ZFR: variants seen among roughly 807,000 people sequenced by gnomAD.
ZFR encodes zinc finger RNA-binding protein.
In ZFR, 19 loss-of-function variants were observed where a neutral mutation model predicts 130.7. That is an observed-to-expected ratio of 0.15 (90% CI 0.10 to 0.21). ZFR has a LOEUF of 0.21. ZFR is among the 10% of genes least tolerant of loss of function. The probability of loss-of-function intolerance (pLI) is 1.00; values close to 1 mark genes in which losing one functional copy is unlikely to be tolerated. For missense variants in ZFR, 872 were observed against 1,321.5 expected, an observed-to-expected ratio of 0.66 and a Z score of 5.27; for synonymous variants, 466 against 456.9, an observed-to-expected ratio of 1.02 and a Z score of -0.25.
At chr5:32,434,003 A>G (rs113865277) in intron 2 of ZFR, among the ~76,000 whole-genome samples, 2,862 of 152,328 alleles carry the variant, frequency 0.019, 89 homozygotes, top group African/African-American at 0.066. Context: ...TGGGAGGCAG[A>G]GGTTTGCAGT....
At chr5:32,439,080 A>G (rs1754402874) in intron 2 of ZFR, among the ~76,000 whole-genome samples, 1 of 152,220 alleles carries the variant, frequency 6.6e-6, no homozygotes, top group Non-Finnish European at 1.5e-5. Flanking sequence ...GGCTCACCCT[A>G]CTCTATTAAG....
At chr5:32,391,211 C>G (rs927881461) in intron 11 of ZFR, among the ~76,000 whole-genome samples, 1 of 152,220 alleles carries the variant, frequency 6.6e-6, no homozygotes, top group Non-Finnish European at 1.5e-5. Context: ...ACAGTATACA[C>G]CCTACTAGCC....
intron 8 of ZFR, among the ~76,000 whole-genome samples, chr5:32,401,643 G>C (rs1038634151): frequency 6.6e-6 from 1 of 152,194 alleles, no homozygotes; most frequent in Non-Finnish European, 1.5e-5. Flanking sequence ...GTCAGGTAAT[G>C]ATGGGCCTTA....
At chr5:32,387,953 T>A (rs541157435) in intron 13 of ZFR, among the ~76,000 whole-genome samples, 2 of 152,188 alleles carry the variant, frequency 1.3e-5, no homozygotes, top group South Asian at 4.1e-4. Flanking sequence ...CTGTTTCTTA[T>A]TTCACAAGTC....
At chr5:32,422,142 C>T (rs1469088502) in intron 2 of ZFR, among the ~76,000 whole-genome samples, 1 of 151,662 alleles carries the variant, frequency 6.6e-6, no homozygotes, top group Non-Finnish European at 1.5e-5. Context: ...AAAACATGTC[C>T]TATTAGACAA....
At chr5:32,359,735 G>C (rs1188952896) in intron 19 of ZFR, among the ~76,000 whole-genome samples, 1 of 152,202 alleles carries the variant, frequency 6.6e-6, no homozygotes, top group African/African-American at 2.4e-5. Context: ...TGGACCACGA[G>C]GTCAGGAGTT....
chr5:32,370,541 T>G (rs1488432896), intron 17 of ZFR, among the ~76,000 whole-genome samples: 1 of 152,104 alleles, frequency 6.6e-6, no homozygotes, highest in East Asian at 1.9e-4. Context: ...TCCAGCTAAT[T>G]TTTAAGTTTG....
At chr5:32,380,824 A>G (rs1335851761) in intron 15 of ZFR, among the ~76,000 whole-genome samples, 1 of 151,424 alleles carries the variant, frequency 6.6e-6, no homozygotes, top group African/African-American at 2.4e-5. Flanking sequence ...AATTTTTTGT[A>G]TTTTTAGTAG....
intron 2 of ZFR, 53 bp downstream of exon 2, chr5:32,444,176 C>G: frequency 6.4e-7 from 1 of 1,567,392 alleles, no homozygotes. Context: ...TCGACAGGAT[C>G]CGGACCGAGG....
chr5:32,404,184 C>T (rs770204295), intron 6 of ZFR, 87 bp from the exon 7 acceptor site: 19 of 1,252,774 alleles, frequency 1.5e-5, no homozygotes, highest in Non-Finnish European at 2.1e-5. Context: ...CTCTAATACT[C>T]ATCTAAAAAT....
At chr5:32,372,536 C>T (rs1222702915) in intron 17 of ZFR, among the ~76,000 whole-genome samples, 1 of 151,924 alleles carries the variant, frequency 6.6e-6, no homozygotes, top group East Asian at 1.9e-4. Flanking sequence ...TTAGCCTATT[C>T]AATAAGAAGC....
intron 19 of ZFR, among the ~76,000 whole-genome samples, chr5:32,357,189 T>C (rs1752334397): frequency 6.6e-6 from 1 of 152,168 alleles, no homozygotes; most frequent in South Asian, 2.1e-4. Flanking sequence ...TTTCGCCATG[T>C]TGCCCAGGCT....
At chr5:32,376,407 G>A (rs766915649) in intron 17 of ZFR, among the ~76,000 whole-genome samples, 12 of 152,026 alleles carry the variant, frequency 7.9e-5, no homozygotes, top group Non-Finnish European at 1.5e-4. Context: ...AGCATTTTGG[G>A]AGGCCAAGGC....
chr5:32,400,203 C>T lies in ZFR; in HGVS notation c.1517G>A (p.Gly506Asp). The T allele has an allele frequency of 6.4e-7, 1 of 1,570,962 alleles. No individual in the cohort carries two copies. Among genetic ancestry groups the T allele is most frequent in the Non-Finnish European group, 8.6e-7 (1 of 1,162,762 alleles). ...KTSTPKINFVGGNKLQSTGNK... is the reference protein window; with the variant it reads ...KTSTPKINFVDGNKLQSTGNK... ...TCCTGTTGACTGCAGCTTATTACCA[C>T]CTAGAAAAGTATCAAAAAGTTAAAA... is the stretch of plus-strand genomic sequence containing the variant. The change falls in exon 9 of 20, where the codon GGT (glycine) becomes GAT (aspartate). Residue 506 changes from glycine to aspartate, a missense_variant and splice_region_variant. By Grantham distance (94) the Gly-to-Asp change is moderately conservative (BLOSUM62 -1). This residue lies in a region of ZFR where 143 missense variants were observed against 137.9 expected (regional missense o/e 1.04). Transcript: ENST00000265069.
At position 32,419,889 on chromosome 5, in the gene ZFR, A is replaced by G; in HGVS notation, c.352T>C (p.Tyr118His). 6.2e-7 allele frequency: 1 copy of G among 1,613,896 alleles called. No individual in the cohort carries two copies. The highest frequency in any genetic ancestry group is 8.5e-7 in the Non-Finnish European group (1 of 1,179,874). Reference protein sequence around the residue: ...GYPTAHTATDYGYTQRQQEAP... With the variant: ...GYPTAHTATDHGYTQRQQEAP... ...TCTTGTTGCCTCTGAGTATAACCAT[A>G]GTCAGTTGCTGTGTGTGCAGTGGGG... Residue 118 changes from tyrosine to histidine, a missense_variant, in exon 3 of 20, where the codon TAT becomes CAT. Physicochemically the swap from Tyr to His is moderately conservative, Grantham distance 83. This residue lies in a region of ZFR where 240 missense variants were observed against 441.2 expected (regional missense o/e 0.54). Transcript: ENST00000265069.
At chr5:32,370,939 T>G (rs893458605) in intron 17 of ZFR, among the ~76,000 whole-genome samples, 5 of 152,240 alleles carry the variant, frequency 3.3e-5, no homozygotes, top group African/African-American at 1.2e-4. Flanking sequence ...CAAAGTAATC[T>G]GAATGCTAAA....
chr5:32,376,063 G>GA (rs1221129969), intron 17 of ZFR, among the ~76,000 whole-genome samples: 1 of 150,134 alleles, frequency 6.7e-6, no homozygotes, highest in African/African-American at 2.4e-5. Context: ...GGCTGGTCTT[G>GA]AACTCCTTGA....
intron 11 of ZFR, 78 bp downstream of exon 11, chr5:32,395,081 G>A (rs938437837): frequency 3.4e-6 from 5 of 1,453,030 alleles, no homozygotes; most frequent in Middle Eastern, 1.8e-4. Context: ...CTTTGAATGG[G>A]AGTCACATGC....
intron 3 of ZFR, 90 bp downstream of exon 3, chr5:32,419,731 G>C: frequency 1.3e-6 from 2 of 1,485,784 alleles, no homozygotes; most frequent in South Asian, 1.4e-5. Flanking sequence ...GAAGCCCCAA[G>C]TTTGAGAAGC....
Sources: allele counts gnomAD v4.1 joint callset (sites outside exome capture counted in the v4.1 genomes callset), GRCh38; gene constraint gnomAD v4.1.1; regional missense constraint gnomAD v4.1.1; transcripts MANE v1.5; gene names NCBI Gene and HGNC (gene_info 2026-07-23, HGNC 2026-07-21).